The following MYH10 variants were observed in gnomAD, a reference collection of about 807,000 sequenced individuals.
MYH10 encodes the protein myosin-10.
A neutral mutation model predicts 257.8 loss-of-function variants in MYH10; 55 were observed. The observed-to-expected ratio is 0.21, with a 90% confidence interval of 0.17 to 0.27. The LOEUF (loss-of-function observed/expected upper bound fraction) is 0.27. Among genes scored for constraint, MYH10 ranks in the 10% least tolerant of loss-of-function variants. The pLI, the probability that MYH10 is intolerant of heterozygous loss-of-function variation, is 1.00. For synonymous variants in MYH10, 854 were observed against 921.7 expected (o/e 0.93, Z 1.33); for missense variants, 1,631 against 2,500.6 (o/e 0.65, Z 7.42).
At chr17:8,496,251 C>T (rs1012030608) in intron 30 of MYH10, among the ~76,000 whole-genome samples, 1 of 152,218 alleles carries the variant, frequency 6.6e-6, no homozygotes, top group Admixed American at 6.5e-5. Context: ...CGCTAGTCCT[C>T]GTCACACCGG....
Position 8,569,594 on chromosome 17 carries a change from T to C in MYH10, c.756+126A>G, listed in dbSNP as rs2083274423. 1 of 587,252 alleles carries C rather than the reference T, an allele frequency of 1.7e-6. No individual in the cohort carries two copies. Among genetic ancestry groups the C allele is most frequent in the Admixed American group, 3.8e-5 (1 of 26,084 alleles). 36.4% of individuals were successfully genotyped at this position (587,252 alleles called of 1,614,324 possible). ...TAAAATTACATGTGAGCTTGTATTA[T>C]GTCTACAGAACTACATCTATTAGCT... On this transcript the variant is annotated intron_variant, in intron 7 of 42. Coordinates refer to ENST00000360416, the MANE Select transcript of MYH10 (RefSeq NM_001256012.3). This position sits in a 1 kb window ranked among gnomAD's most constrained non-coding sequence, Gnocchi z 4.1.
intron 27 of MYH10, among the ~76,000 whole-genome samples, chr17:8,505,298 C>T (rs554086926): frequency 2.6e-5 from 4 of 152,296 alleles, no homozygotes; most frequent in Admixed American, 1.3e-4. Flanking sequence ...CTCATCACAC[C>T]GGAACCCAGC....
Position 8,623,278 on chromosome 17 carries a change from C to T in MYH10, c.-31-1G>A, listed in dbSNP as rs770360537. 5.8e-6 allele frequency: 9 copies of T among 1,546,164 alleles called. No individual in the cohort carries two copies. The highest frequency in any genetic ancestry group is 2.2e-5 in the Admixed American group (1 of 44,694). ...TGGAACGATCCAAAAGCAATTGCCT[C>T]TAAGAGAAGAGGAGGAGGGCAAAAT... is the stretch of plus-strand genomic sequence containing the variant. On this transcript the variant is annotated splice_acceptor_variant, in intron 1 of 42. Coordinates refer to ENST00000360416, the MANE Select transcript of MYH10 (RefSeq NM_001256012.3). LOFTEE classifies it low-confidence loss of function (5UTR_SPLICE).
At chr17:8,539,496 A>G (rs764206634) in intron 14 of MYH10, among the ~76,000 whole-genome samples, 25 of 152,226 alleles carry the variant, frequency 1.6e-4, no homozygotes, top group Non-Finnish European at 2.5e-4. Context: ...CTTCAAGATC[A>G]GGTTCTTGAG....
intron 3 of MYH10, among the ~76,000 whole-genome samples, chr17:8,594,653 G>T (rs1597923192): frequency 6.6e-6 from 1 of 152,188 alleles, no homozygotes; most frequent in African/African-American, 2.4e-5. Flanking sequence ...CGTTATCTGT[G>T]GGGGATTGGT....
chr17:8,592,968 T>A (rs1273516525), intron 3 of MYH10, among the ~76,000 whole-genome samples: 3 of 123,848 alleles, frequency 2.4e-5, no homozygotes, highest in South Asian at 2.5e-4. Flanking sequence ...TATATATATA[T>A]ATAAAAGATG....
At position 8,478,506 on chromosome 17, in the gene MYH10, A is replaced by G. The variant is rs1913087614; in HGVS notation, c.5598-60T>C. The G allele has an allele frequency of 2.5e-5, 38 of 1,520,048 alleles. No homozygotes were observed. In the South Asian group the frequency reaches 4.0e-4, roughly 16 times the overall value. The allele number at this position is 1,520,048 out of a possible 1,614,324, so 94.2% of individuals were successfully genotyped here. The stretch of plus-strand genomic sequence containing the variant: ...GAAATGGTATTTTGTGTGGGAAAAA[A>G]TATTTTTTAAAGCCCCTTTTCTTTG... On this transcript the variant is annotated intron_variant, in intron 40 of 42. Coordinates refer to ENST00000360416, the MANE Select transcript of MYH10 (RefSeq NM_001256012.3).
intron 16 of MYH10, among the ~76,000 whole-genome samples, chr17:8,534,316 C>G (rs558443342): frequency 6.6e-6 from 1 of 152,196 alleles, no homozygotes; most frequent in Non-Finnish European, 1.5e-5. Context: ...AGGTCCCTCC[C>G]CTCTTTGCTA....
chr17:8,502,638 G>T (rs2080933180), intron 28 of MYH10, among the ~76,000 whole-genome samples: 1 of 152,114 alleles, frequency 6.6e-6, no homozygotes, highest in Non-Finnish European at 1.5e-5. Flanking sequence ...GTCTGCAGAA[G>T]ACTCACTGTT....
chr17:8,575,579 CTCTTAAGAA>C (rs1313624176), intron 6 of MYH10, among the ~76,000 whole-genome samples: 1 of 152,182 alleles, frequency 6.6e-6, no homozygotes, highest in Non-Finnish European at 1.5e-5. Context: ...GGCTGGCAAT[CTCTTAAGAA>C]TCTTAAGTAA....
Position 8,509,808 on chromosome 17 carries a change from T to C in MYH10, c.3090+4A>G, listed in dbSNP as rs747690315. 1 of 1,606,576 alleles carries C rather than the reference T, an allele frequency of 6.2e-7. No homozygotes were observed. The highest frequency in any genetic ancestry group is 8.5e-7 in the Non-Finnish European group (1 of 1,176,712). ...ATCAGCTTTTTGTGGGAACACTCTC[T>C]TACTTTGATGAACTTGGAATTTTGG... On this transcript the variant is annotated splice_donor_region_variant and intron_variant, in intron 25 of 42. Coordinates refer to ENST00000360416, the MANE Select transcript of MYH10 (RefSeq NM_001256012.3).
chr17:8,616,884 T>C (rs915940018), intron 2 of MYH10, among the ~76,000 whole-genome samples: 2 of 152,046 alleles, frequency 1.3e-5, no homozygotes, highest in African/African-American at 4.8e-5. Flanking sequence ...ATTATAAAGC[T>C]GTAATAAGTA....
At chr17:8,481,472 A>G in intron 37 of MYH10, 62 bp from the exon 38 acceptor site, 1 of 1,465,340 alleles carries the variant, frequency 6.8e-7, no homozygotes, top group Non-Finnish European at 9.5e-7. Context: ...GTGGAATCTG[A>G]CAGTGCCTGG....
chr17:8,576,634 A>G lies in MYH10; in HGVS notation c.663+9T>C, dbSNP rs1373392026. The G allele has an allele frequency of 1.3e-6, 2 of 1,550,254 alleles. No homozygotes were observed. The highest frequency in any genetic ancestry group is 4.9e-5 in the East Asian group (2 of 40,938). On this transcript the variant is annotated intron_variant, in intron 6 of 42. Transcript: ENST00000360416. ...CTCAAGACTAAGAAGCATAAAGAAG[A>G]GCACTTGCCTGGTGTTTCACTGGTT...
intron 7 of MYH10, among the ~76,000 whole-genome samples, chr17:8,566,424 T>C (rs966036254): frequency 2.0e-5 from 3 of 152,158 alleles, no homozygotes; most frequent in African/African-American, 7.2e-5. Flanking sequence ...CTTGGATCAC[T>C]TGCTCTGGGA....
Position 8,477,702 on chromosome 17 carries a change from G to A in MYH10, c.5706+636C>T, listed in dbSNP as rs568168071. ...GAATGAATGAAGTTGGGGAGGGTTCGGGCCAAAGGCAGTGAAATCCTCAGA... is the reference window on the plus strand; with the variant it reads ...GAATGAATGAAGTTGGGGAGGGTTCAGGCCAAAGGCAGTGAAATCCTCAGA... On this transcript the variant is annotated intron_variant, in intron 41 of 42. Transcript: ENST00000360416. This position sits in a 1 kb window ranked among gnomAD's most constrained non-coding sequence, Gnocchi z 4.2. 6.6e-6 allele frequency among the ~76,000 whole-genome samples: 1 copy of A among 152,290 alleles called. No homozygotes were observed. The highest frequency in any genetic ancestry group is 2.1e-4 in the South Asian group (1 of 4,824).
chr17:8,578,820 A>G (rs921821086), intron 4 of MYH10, among the ~76,000 whole-genome samples: 2 of 152,192 alleles, frequency 1.3e-5, no homozygotes, highest in Admixed American at 1.3e-4. Context: ...CTCAATTTGG[A>G]TTATAAGAAA....
chr17:8,556,595 T>C (rs1046974379), intron 7 of MYH10, among the ~76,000 whole-genome samples: 1 of 152,200 alleles, frequency 6.6e-6, no homozygotes, highest in Non-Finnish European at 1.5e-5. Flanking sequence ...AACAGGTCAG[T>C]GGTTTCAGGG....
At chr17:8,550,609 T>C (rs2151961432) in intron 9 of MYH10, among the ~76,000 whole-genome samples, 2 of 152,158 alleles carry the variant, frequency 1.3e-5, no homozygotes, top group Admixed American at 1.3e-4. Flanking sequence ...GAGGAGCCCC[T>C]CTGCCCGGCC....
Sources: allele counts gnomAD v4.1 joint callset (sites outside exome capture counted in the v4.1 genomes callset), GRCh38; gene constraint gnomAD v4.1.1; non-coding constraint Gnocchi (gnomAD v3.1); transcripts MANE v1.5; gene names NCBI Gene and HGNC (gene_info 2026-07-23, HGNC 2026-07-21).